Variants in ABCG2 observed in about 807,000 individuals in gnomAD.
ABCG2 encodes broad substrate specificity ATP-binding cassette transporter ABCG2.
ABCG2 carries 80 observed loss-of-function variants against 73.5 expected under a neutral mutation model. The ratio of observed to expected loss-of-function variants is 1.09; its 90% confidence interval spans 0.91 to 1.31. The LOEUF is 1.31. Among genes scored for constraint, ABCG2 ranks in the 50% most tolerant of loss-of-function variants. The probability of loss-of-function intolerance (pLI) is 0.00; values close to 1 mark genes in which losing one functional copy is unlikely to be tolerated. For missense variants in ABCG2, 796 were observed against 786.2 expected (o/e 1.01, Z -0.15); for synonymous variants, 269 against 282.4 (o/e 0.95, Z 0.48).
chr4:88,217,677 T>C (rs1314775059), intron 1 of ABCG2, among the ~76,000 whole-genome samples: 2 of 149,154 alleles, frequency 1.3e-5, no homozygotes, highest in East Asian at 2.0e-4. Flanking sequence ...AAAAAAAGAA[T>C]GCATGGATGC....
At chr4:88,155,523 C>T (rs1025818537) in intron 1 of ABCG2, among the ~76,000 whole-genome samples, 8 of 152,184 alleles carry the variant, frequency 5.3e-5, no homozygotes, top group African/African-American at 1.9e-4. Context: ...GATATGATGG[C>T]TTAGCTTGGG....
chr4:88,165,731 G>A (rs775967561), intron 1 of ABCG2, among the ~76,000 whole-genome samples: 7 of 152,016 alleles, frequency 4.6e-5, no homozygotes, highest in East Asian at 3.9e-4. Context: ...AAAATTAAGC[G>A]GGCATGGTGG....
rs1578186939 is a variant in ABCG2 at position 88,112,589 on chromosome 4, C to A, written c.1194+714G>T. 2.0e-5 allele frequency among the ~76,000 whole-genome samples: 3 copies of A among 152,192 alleles called. No homozygotes were observed. The Middle Eastern group carries it at 0.01, about 521-fold the overall frequency. On this transcript the variant is annotated intron_variant, in intron 9 of 15. Coordinates refer to ENST00000237612, the MANE Select transcript of ABCG2 (RefSeq NM_004827.3). The stretch of plus-strand genomic sequence containing the variant: ...CTCCATGAGCAGAGTTTTATTTTTG[C>A]CCATTTTGTTCACTACTGAATTCAC...
At chr4:88,148,692 G>A (rs903467993) in intron 1 of ABCG2, among the ~76,000 whole-genome samples, 8 of 152,104 alleles carry the variant, frequency 5.3e-5, no homozygotes, top group Admixed American at 2.6e-4. Context: ...CTGTACACAC[G>A]GTTCTGCCTA....
chr4:88,217,973 T>A (rs76843967), intron 1 of ABCG2, among the ~76,000 whole-genome samples: 1 of 139,752 alleles, frequency 7.2e-6, no homozygotes. Flanking sequence ...TTCTAAAAAT[T>A]AAAAAAAAAA....
At chr4:88,197,724 G>A (rs1015202333) in intron 1 of ABCG2, among the ~76,000 whole-genome samples, 4 of 151,954 alleles carry the variant, frequency 2.6e-5, no homozygotes, top group Admixed American at 2.6e-4. Context: ...TGGATCAGTC[G>A]GGACCTGGGG....
intron 1 of ABCG2, chr4:88,226,948 C>CA (rs1393461243): frequency 6.6e-6 from 1 of 152,156 alleles, no homozygotes; most frequent in South Asian, 2.1e-4. Flanking sequence ...CCAGCCTCCA[C>CA]AAAAAATTTA....
At chr4:88,097,887 A>C (rs988666171) in intron 12 of ABCG2, among the ~76,000 whole-genome samples, 1 of 152,168 alleles carries the variant, frequency 6.6e-6, no homozygotes, top group Admixed American at 6.5e-5. Context: ...CCAAAATTCA[A>C]CTGCCTTCTC....
At chr4:88,097,405 G>A in intron 13 of ABCG2, 48 bp downstream of exon 13, 1 of 1,592,878 alleles carries the variant, frequency 6.3e-7, no homozygotes, top group Non-Finnish European at 8.6e-7. Flanking sequence ...AGGAAGAAAT[G>A]AAGGAAAAAA....
intron 2 of ABCG2, among the ~76,000 whole-genome samples, 167 bp downstream of exon 2, chr4:88,139,626 T>A (rs1578219303): frequency 6.6e-6 from 1 of 152,192 alleles, no homozygotes; most frequent in African/African-American, 2.4e-5. Context: ...TGTGGCCCAG[T>A]TATTTCACTC....
chr4:88,205,544 ATAAAGT>A (rs1450572771), intron 1 of ABCG2, among the ~76,000 whole-genome samples: 1 of 152,192 alleles, frequency 6.6e-6, no homozygotes, highest in African/African-American at 2.4e-5. Flanking sequence ...TTCCACTTTC[ATAAAGT>A]TACTCTTATC....
chr4:88,114,100 C>T (rs1328669483), intron 8 of ABCG2, among the ~76,000 whole-genome samples: 1 of 151,870 alleles, frequency 6.6e-6, no homozygotes, highest in East Asian at 1.9e-4. Flanking sequence ...GCCAGGAATT[C>T]AAGACCAGCC....
chr4:88,163,102 A>G (rs1727377875), upstream of ABCG2, among the ~76,000 whole-genome samples: 2 of 152,176 alleles, frequency 1.3e-5, no homozygotes, highest in African/African-American at 4.8e-5. Context: ...TATATAACAG[A>G]TGTATTCAGT....
intron 1 of ABCG2, among the ~76,000 whole-genome samples, chr4:88,154,182 CT>C (rs1281023051): frequency 6.6e-6 from 1 of 152,114 alleles, no homozygotes; most frequent in Non-Finnish European, 1.5e-5. Context: ...ACACTAGTTG[CT>C]TTTTTAGCTA....
intron 6 of ABCG2, among the ~76,000 whole-genome samples, chr4:88,118,490 A>G (rs550875394): frequency 6.6e-6 from 1 of 152,356 alleles, no homozygotes; most frequent in East Asian, 1.9e-4. Flanking sequence ...AGAATCAACT[A>G]GAATAGTTAT....
chr4:88,219,703 TC>T lies in ABCG2; in HGVS notation c.-20+11290del, dbSNP rs575621755. On this transcript the variant is annotated intron_variant, in intron 1 of 15. Coordinates refer to the ABCG2 transcript ENST00000515655. ...TTCACGCCATTCTCCTGTCTCAGCCTCCCCAGCAGCTGGGACTACAGGCGCA... is the reference window on the plus strand; with the variant it reads ...TTCACGCCATTCTCCTGTCTCAGCCTCCCAGCAGCTGGGACTACAGGCGCA... Among the ~76,000 whole-genome samples, 4 of 145,808 alleles carry T rather than the reference TC, an allele frequency of 2.7e-5. No individual in the cohort carries two copies. The South Asian group carries it at 9.0e-4, about 33-fold the overall frequency.
chr4:88,115,238 C>CTCTCTCTCTG lies in ABCG2; in HGVS notation c.842-181_842-180insCAGAGAGAGA, dbSNP rs1258033663. Among the ~76,000 whole-genome samples, 112 of 75,116 alleles carry CTCTCTCTCTG rather than the reference C, an allele frequency of 1.5e-3. 8 individuals carry two copies. In the East Asian group the frequency reaches 0.017, roughly 11 times the overall value. 49.3% of individuals were successfully genotyped at this position (75,116 alleles called of 152,430 possible). A position where few individuals can be genotyped will look rare whatever the true frequency, so the allele number is the denominator to read the frequency against. ...CTTTCTTTTTATATATTCAGTCTCT[C>CTCTCTCTCTG]TCTCTCTCTCTCTCTCTCTATATAT... On this transcript the variant is annotated intron_variant, in intron 7 of 15. Coordinates refer to ENST00000237612, the MANE Select transcript of ABCG2 (RefSeq NM_004827.3).
intron 6 of ABCG2, among the ~76,000 whole-genome samples, chr4:88,120,711 T>C (rs1723909794): frequency 6.6e-6 from 1 of 152,204 alleles, no homozygotes; most frequent in Non-Finnish European, 1.5e-5. Flanking sequence ...ACTAACTTGC[T>C]TTTGATTTTA....
chr4:88,115,441 G>A (rs1045561364), intron 7 of ABCG2, among the ~76,000 whole-genome samples: 8 of 149,630 alleles, frequency 5.3e-5, no homozygotes, highest in Admixed American at 4.7e-4. Context: ...GCATGACCAC[G>A]TCCAGCTAAT....
Sources: allele counts gnomAD v4.1 joint callset (sites outside exome capture counted in the v4.1 genomes callset), GRCh38; gene constraint gnomAD v4.1.1; transcripts MANE v1.5; gene names NCBI Gene and HGNC (gene_info 2026-07-23, HGNC 2026-07-21).